MAOA: variants seen among roughly 807,000 people sequenced by gnomAD.
MAOA encodes the protein amine oxidase [flavin-containing] A.
MAOA carries 6 observed loss-of-function variants against 42.0 expected under a neutral mutation model. The observed-to-expected ratio is 0.14, with a 90% confidence interval of 0.08 to 0.28. The LOEUF is 0.28. Ranked by LOEUF, MAOA falls within the 10% of genes least tolerant of loss-of-function variation. The pLI is 1.00. For synonymous variants in MAOA, 140 were observed against 154.0 expected (o/e 0.91, Z 0.67); for missense variants, 262 against 422.3 (o/e 0.62, Z 3.33).
chrX:43,684,651 G>A (rs2033470264), intron 2 of MAOA, among the ~76,000 whole-genome samples: 2 of 111,244 alleles, frequency 1.8e-5, no homozygotes, highest in Non-Finnish European at 1.9e-5. Context: ...TAAAGACTAG[G>A]GATTGAGAGT....
chrX:43,746,248 A>T lies in MAOA; in HGVS notation c.*1735A>T, dbSNP rs1204798311. ...GTTTGCTAACATATTTAAAGTCTTG[A>T]ATGTTGAAGAACTCATGTGATTTAC... is the stretch of plus-strand genomic sequence containing the variant. On this transcript the variant is annotated 3_prime_UTR_variant, in exon 15 of 15. Transcript: ENST00000338702. The T allele has an allele frequency of 8.9e-6, 1 of 112,310 alleles. No homozygotes were observed. Among genetic ancestry groups the T allele is most frequent in the African/African-American group, 3.2e-5 (1 of 30,907 alleles). The allele number at this position is 112,310 out of a possible 1,213,427, so 9.3% of individuals were successfully genotyped here. A position where few individuals can be genotyped will look rare whatever the true frequency, so the allele number is the denominator to read the frequency against.
intron 6 of MAOA, among the ~76,000 whole-genome samples, chrX:43,728,902 C>A (rs765099912): frequency 8.8e-6 from 1 of 113,204 alleles, no homozygotes; most frequent in South Asian, 3.6e-4. Context: ...ATTGGCTGGA[C>A]ACATGGCGAA....
At chrX:43,742,516 C>T (rs925334532) in intron 12 of MAOA, among the ~76,000 whole-genome samples, 5 of 112,598 alleles carry the variant, frequency 4.4e-5, no homozygotes, top group African/African-American at 9.7e-5. Flanking sequence ...ATGACATCCA[C>T]GTGGGGTGGG....
At chrX:43,723,670 CT>C (rs995257357) in intron 5 of MAOA, among the ~76,000 whole-genome samples, 2 of 111,423 alleles carry the variant, frequency 1.8e-5, no homozygotes, top group Non-Finnish European at 3.8e-5. Flanking sequence ...AATTGAATAC[CT>C]TTATTTCTTT....
chrX:43,667,365 A>G (rs1244437873), intron 1 of MAOA, among the ~76,000 whole-genome samples: 2 of 111,383 alleles, frequency 1.8e-5, no homozygotes, highest in African/African-American at 6.5e-5. Context: ...GGACTTAGTT[A>G]TATTCACCTG....
rs764520010 is a variant in MAOA at position 43,723,801 on chromosome X, A to G, written c.504-4372A>G. Among the ~76,000 whole-genome samples, 26 of 111,769 alleles carry G rather than the reference A, an allele frequency of 2.3e-4. No homozygotes were observed. The East Asian group carries it at 7.1e-3, about 30-fold the overall frequency. Reference sequence around the variant, plus strand: ...TTCCAGTTTTTGCTCATTCAGTATGATATTGGCTGTGGGTTTGTCATAAAT... The same window carrying G: ...TTCCAGTTTTTGCTCATTCAGTATGGTATTGGCTGTGGGTTTGTCATAAAT... On this transcript the variant is annotated intron_variant, in intron 5 of 14. Transcript: ENST00000338702.
chrX:43,741,053 C>T (rs1381443365), intron 11 of MAOA, among the ~76,000 whole-genome samples: 1 of 111,269 alleles, frequency 9.0e-6, no homozygotes, highest in Non-Finnish European at 1.9e-5. Context: ...AGAAGTCCTG[C>T]CCCCAGTCAG....
At chrX:43,655,114 C>T (rs763786162), upstream of MAOA, 3 of 116,972 alleles carry the variant, frequency 2.6e-5, no homozygotes, top group African/African-American at 1.0e-4. Flanking sequence ...GGCACCGGCA[C>T]CAGTACCCGC....
intron 3 of MAOA, among the ~76,000 whole-genome samples, chrX:43,693,804 C>CAT (rs1491367626): frequency 5.5e-5 from 6 of 110,046 alleles, no homozygotes; most frequent in African/African-American, 2.0e-4. Flanking sequence ...CACACACACA[C>CAT]GCACACTCCC....
chrX:43,657,998 T>G (rs2033199444), intron 1 of MAOA: 1 of 615,948 alleles, frequency 1.6e-6, no homozygotes, highest in Non-Finnish European at 1.9e-6. Context: ...TCAGCTTGTT[T>G]CTCTTTATTT....
intron 6 of MAOA, 141 bp downstream of exon 6, chrX:43,728,455 G>GA (rs889910239): frequency 3.8e-4 from 260 of 688,848 alleles, no homozygotes; most frequent in Middle Eastern, 4.9e-4. Context: ...AAGATTTTCT[G>GA]AAAAAAAAAT....
intron 2 of MAOA, among the ~76,000 whole-genome samples, chrX:43,687,655 G>T (rs986742494): frequency 1.8e-5 from 2 of 112,264 alleles, no homozygotes; most frequent in African/African-American, 6.5e-5. Context: ...ATCTGACATG[G>T]AAGTTAGAAA....
chrX:43,665,410 A>G (rs1173012969), intron 1 of MAOA, among the ~76,000 whole-genome samples: 1 of 110,888 alleles, frequency 9.0e-6, no homozygotes, highest in Non-Finnish European at 1.9e-5. Flanking sequence ...TTTCTTGAGG[A>G]CTCATGTTCC....
At chrX:43,672,944 C>T (rs778527748) in intron 1 of MAOA, among the ~76,000 whole-genome samples, 4 of 111,488 alleles carry the variant, frequency 3.6e-5, no homozygotes, top group African/African-American at 1.3e-4. Context: ...CAGGATGATA[C>T]GGGCCTCATA....
At chrX:43,664,160 A>G (rs994471307) in intron 1 of MAOA, among the ~76,000 whole-genome samples, 3 of 111,981 alleles carry the variant, frequency 2.7e-5, no homozygotes, top group Admixed American at 9.5e-5. Flanking sequence ...ATAGACCATG[A>G]TGAAGAGTCA....
chrX:43,708,121 C>A (rs745859463), intron 3 of MAOA, among the ~76,000 whole-genome samples: 35 of 111,006 alleles, frequency 3.2e-4, no homozygotes, highest in Middle Eastern at 4.7e-3. Context: ...AGGGACATTG[C>A]GTTCTGCTTG....
chrX:43,742,188 G>A, intron 12 of MAOA, 141 bp downstream of exon 12: 1 of 1,032,779 alleles, frequency 9.7e-7, no homozygotes. Flanking sequence ...ATTTCTGGAT[G>A]TCCATAGAAA....
At chrX:43,691,163 G>A (rs766001309) in intron 2 of MAOA, among the ~76,000 whole-genome samples, 5 of 110,700 alleles carry the variant, frequency 4.5e-5, no homozygotes, top group Admixed American at 3.9e-4. Context: ...CAGGTGTATC[G>A]CTTGAGCTTA....
chrX:43,715,008 G>C (rs954270385), intron 5 of MAOA, among the ~76,000 whole-genome samples: 1 of 110,577 alleles, frequency 9.0e-6, no homozygotes, highest in Non-Finnish European at 1.9e-5. Flanking sequence ...GCAAGATGAT[G>C]TATTCCAGAA....
Sources: gnomAD v4.1 joint callset for allele counts (sites outside exome capture counted in the v4.1 genomes callset) on GRCh38, gnomAD v4.1.1 for gene constraint, MANE v1.5 for transcripts, NCBI Gene and HGNC (gene_info 2026-07-23, HGNC 2026-07-21) for gene names.